The following LYZL4 variants were observed in gnomAD, a reference collection of about 807,000 sequenced individuals.
The protein encoded by LYZL4 is lysozyme like 4.
A neutral mutation model predicts 17.6 loss-of-function variants in LYZL4; 13 were observed. The ratio of observed to expected loss-of-function variants is 0.74; its 90% confidence interval spans 0.48 to 1.18. The LOEUF (loss-of-function observed/expected upper bound fraction) is 1.18. LYZL4 is among the 50% of genes most tolerant of loss of function. The pLI is 0.00. For missense variants in LYZL4, 174 were observed against 188.2 expected, an observed-to-expected ratio of 0.92 and a Z score of 0.44; for synonymous variants, 64 against 67.7, an observed-to-expected ratio of 0.95 and a Z score of 0.27.
At chr3:42,405,584 T>G (rs1698734620) in intron 3 of LYZL4, among the ~76,000 whole-genome samples, 1 of 152,100 alleles carries the variant, frequency 6.6e-6, no homozygotes, top group African/African-American at 2.4e-5. Context: ...AAGACCCAGC[T>G]CAGAAGCCAC....
chr3:42,406,182 G>A (rs942996067), intron 3 of LYZL4, among the ~76,000 whole-genome samples: 1 of 152,100 alleles, frequency 6.6e-6, no homozygotes, highest in African/African-American at 2.4e-5. Context: ...GGTCAGGAGC[G>A]GTGGCTCACG....
At chr3:42,393,851 G>A (rs1341569896), downstream of LYZL4, among the ~76,000 whole-genome samples, 1 of 152,178 alleles carries the variant, frequency 6.6e-6, no homozygotes, top group Admixed American at 6.5e-5. Context: ...GAGCGCAGTG[G>A]CGTGATCTCG....
At chr3:42,389,816 T>A in the LYZL4 span, among the ~76,000 whole-genome samples, 2 of 152,158 alleles carry the variant, frequency 1.3e-5, no homozygotes, top group African/African-American at 2.4e-5. Context: ...TAGGAATCCA[T>A]AAGCGGGATT....
At chr3:42,393,707 T>C (rs1179530552), downstream of LYZL4, among the ~76,000 whole-genome samples, 1 of 152,150 alleles carries the variant, frequency 6.6e-6, no homozygotes, top group Non-Finnish European at 1.5e-5. Flanking sequence ...AAACACAGAT[T>C]CCCTGGACCA....
At position 42,397,112 on chromosome 3, in the gene LYZL4, C is replaced by A; in HGVS notation, c.*153G>T. The A allele has an allele frequency of 1.7e-6, 1 of 585,412 alleles. No homozygotes were observed. The highest frequency in any genetic ancestry group is 3.1e-6 in the Non-Finnish European group (1 of 322,050). 36.3% of individuals were successfully genotyped at this position (585,412 alleles called of 1,614,324 possible). A position where few individuals can be genotyped will look rare whatever the true frequency, so the allele number is the denominator to read the frequency against. On this transcript the variant is annotated 3_prime_UTR_variant, in exon 5 of 5. Transcript: ENST00000287748. ...GTAACTAGTTTGGTTTATTCTGCATCCTGCATCCCCGGATGAAGCAAACTT... is the reference window on the plus strand; with the variant it reads ...GTAACTAGTTTGGTTTATTCTGCATACTGCATCCCCGGATGAAGCAAACTT...
intron 4 of LYZL4, among the ~76,000 whole-genome samples, chr3:42,400,917 A>G (rs1297118833): frequency 1.3e-5 from 2 of 152,190 alleles, no homozygotes; most frequent in Admixed American, 6.5e-5. Context: ...CATGCACTCC[A>G]TTGGTTCAGC....
intron 1 of LYZL4, 31 bp from the exon 2 acceptor site, chr3:42,407,374 T>C (rs1698778304): frequency 7.6e-7 from 1 of 1,321,534 alleles, no homozygotes; most frequent in Non-Finnish European, 1.0e-6. Flanking sequence ...CACAGTTCAG[T>C]GTCATCAGAA....
rs372643177 is a variant in LYZL4 at position 42,402,594 on chromosome 3, T to C, written c.371+1452A>G. 8.5e-4 allele frequency among the ~76,000 whole-genome samples: 130 copies of C among 152,198 alleles called. 4 individuals are homozygous for C. The South Asian group carries it at 0.024, about 29-fold the overall frequency. On this transcript the variant is annotated intron_variant, in intron 4 of 4. Transcript: ENST00000287748. ...ACCATAATGCAATACCACAACACAG[T>C]CATGAGAATAAACTGGAAATTACCA...
At chr3:42,384,465 G>A in the LYZL4 span, among the ~76,000 whole-genome samples, 3 of 152,108 alleles carry the variant, frequency 2.0e-5, no homozygotes, top group Non-Finnish European at 4.4e-5. Context: ...GACCAGTGAA[G>A]ACTCAAGCAG....
chr3:42,410,362 T>C (rs1698840638), intron 1 of LYZL4, 55 bp downstream of exon 1: 1 of 152,250 alleles, frequency 6.6e-6, no homozygotes, highest in Non-Finnish European at 1.5e-5. Flanking sequence ...GAGCTTCTCC[T>C]GCAGCTGGGT....
the LYZL4 span, among the ~76,000 whole-genome samples, chr3:42,387,251 T>C: frequency 7.5e-4 from 114 of 152,220 alleles, 1 homozygote; most frequent in Admixed American, 2.2e-3. Flanking sequence ...TTAAGTACCA[T>C]GCCCGAGGTC....
chr3:42,400,480 A>T (rs1420499461), intron 4 of LYZL4, among the ~76,000 whole-genome samples: 1 of 152,218 alleles, frequency 6.6e-6, no homozygotes, highest in Non-Finnish European at 1.5e-5. Context: ...TGCTCATAGC[A>T]GAGGGATTTG....
the LYZL4 span, among the ~76,000 whole-genome samples, chr3:42,363,886 C>A: frequency 6.6e-6 from 1 of 152,192 alleles, no homozygotes; most frequent in Non-Finnish European, 1.5e-5. Flanking sequence ...GGACTCAGAC[C>A]ATCATCACCC....
the LYZL4 span, among the ~76,000 whole-genome samples, chr3:42,371,460 C>G: frequency 6.6e-6 from 1 of 152,186 alleles, no homozygotes; most frequent in African/African-American, 2.4e-5. Flanking sequence ...CCCATCTTTT[C>G]TAGAATCTGA....
chr3:42,388,162 A>G, the LYZL4 span, among the ~76,000 whole-genome samples: 1 of 152,208 alleles, frequency 6.6e-6, no homozygotes, highest in Non-Finnish European at 1.5e-5. Flanking sequence ...AAGGGGAGTC[A>G]TATACAGGAA....
the LYZL4 span, among the ~76,000 whole-genome samples, chr3:42,363,136 A>G: frequency 6.6e-6 from 1 of 152,218 alleles, no homozygotes; most frequent in Non-Finnish European, 1.5e-5. Flanking sequence ...GTCTCTTTGA[A>G]AATAAATTCC....
chr3:42,390,410 C>A, the LYZL4 span, among the ~76,000 whole-genome samples: 1 of 152,194 alleles, frequency 6.6e-6, no homozygotes, highest in South Asian at 2.1e-4. Context: ...ACAACGATTT[C>A]TCTTCTCCAA....
the LYZL4 span, among the ~76,000 whole-genome samples, chr3:42,387,577 C>T: frequency 5.8e-3 from 884 of 152,278 alleles, 10 homozygotes; most frequent in African/African-American, 0.02. Flanking sequence ...CCCCCAACCC[C>T]TCATCGCCGT....
At chr3:42,386,808 T>TA in the LYZL4 span, among the ~76,000 whole-genome samples, 5 of 152,308 alleles carry the variant, frequency 3.3e-5, no homozygotes, top group East Asian at 9.6e-4. Context: ...TATTCACAGA[T>TA]AAAATGCTAT....
Sources: gnomAD v4.1 joint callset for allele counts (sites outside exome capture counted in the v4.1 genomes callset) on GRCh38, gnomAD v4.1.1 for gene constraint, MANE v1.5 for transcripts, NCBI Gene and HGNC (gene_info 2026-07-23, HGNC 2026-07-21) for gene names.